Variants in MIER3 observed in about 807,000 individuals in gnomAD.
The protein encoded by MIER3 is mesoderm induction early response protein 3.
In MIER3, 9 loss-of-function variants were observed where a neutral mutation model predicts 63.2. The ratio of observed to expected loss-of-function variants is 0.14; its 90% CI spans 0.09 to 0.25. The LOEUF (loss-of-function observed/expected upper bound fraction) is 0.25, where lower values mean the gene tolerates loss of function less well. Ranked by LOEUF, MIER3 falls within the 10% of genes least tolerant of loss-of-function variation. The pLI is 1.00. For synonymous variants in MIER3, 205 were observed against 224.9 expected (o/e 0.91, Z 0.79); for missense variants, 512 against 666.2 (o/e 0.77, Z 2.55).
At chr5:56,950,373 T>C (rs1750976760) in intron 2 of MIER3, among the ~76,000 whole-genome samples, 1 of 152,124 alleles carries the variant, frequency 6.6e-6, no homozygotes, top group African/African-American at 2.4e-5. Flanking sequence ...AGATATGTAA[T>C]AATTAAAGCC....
chr5:56,925,237 C>A, intron 10 of MIER3: 1 of 357,440 alleles, frequency 2.8e-6, no homozygotes, highest in South Asian at 2.2e-5. Flanking sequence ...TTTTCAACAT[C>A]AATACTGGAA....
chr5:56,930,167 G>A (rs1442308873), intron 9 of MIER3, among the ~76,000 whole-genome samples: 1 of 151,822 alleles, frequency 6.6e-6, no homozygotes, highest in Non-Finnish European at 1.5e-5. Context: ...AAAAAATACT[G>A]AAATAGAAGT....
rs754863050 is a variant in MIER3, at chr5:56,928,856, T to C, written c.835A>G (p.Met279Val). 12 of 1,609,478 alleles carry C rather than the reference T, an allele frequency of 7.5e-6. No homozygotes were observed. The Admixed American group carries it at 1.9e-4, about 25-fold the overall frequency. The part of the protein sequence containing the change: ...CCNGKASQEG[M>V]TAWTEEECRS... ...CATTCTTCTTCCGTCCATGCAGTCA[T>C]TCCTTCTAAGAAAAATTTTAAAATA... The change falls in exon 10 of 13, where the codon ATG becomes GTG. Residue 279 changes from methionine (M) to valine (V), a missense_variant. By Grantham distance (21) the Met-to-Val change is conservative. Around this residue, in one of 5 missense-constraint regions of MIER3, gnomAD observed 118 missense variants for 133.6 expected, o/e 0.88. Coordinates refer to ENST00000381199, the MANE Select transcript of MIER3 (RefSeq NM_001297599.2).
chr5:56,943,509 A>T (rs1041530229), intron 3 of MIER3, among the ~76,000 whole-genome samples: 3 of 152,176 alleles, frequency 2.0e-5, no homozygotes, highest in African/African-American at 7.2e-5. Flanking sequence ...CCGCTTTTCT[A>T]TAAAGACACA....
chr5:56,934,892 AT>A (rs1476826881), intron 7 of MIER3, among the ~76,000 whole-genome samples: 5 of 152,214 alleles, frequency 3.3e-5, no homozygotes, highest in African/African-American at 9.7e-5. Context: ...TCCCCTCCAT[AT>A]TTTGAAAACC....
intron 1 of MIER3, 117 bp from the exon 2 acceptor site, chr5:56,950,769 C>T: frequency 8.7e-7 from 1 of 1,153,500 alleles, no homozygotes; most frequent in East Asian, 2.5e-5. Context: ...GCCAAAAGTG[C>T]AAGACGTAGC....
chr5:56,929,053 T>C (rs1750155338), intron 9 of MIER3, 192 bp from the exon 10 acceptor site: 1 of 493,560 alleles, frequency 2.0e-6, no homozygotes, highest in East Asian at 3.1e-5. Flanking sequence ...CAGTTAGAAT[T>C]ACCAAAAGCA....
chr5:56,944,210 G>A (rs563042364), intron 3 of MIER3, among the ~76,000 whole-genome samples: 1 of 152,136 alleles, frequency 6.6e-6, no homozygotes, highest in Non-Finnish European at 1.5e-5. Flanking sequence ...GGTGGCTCAC[G>A]CCTGTAATCC....
chr5:56,920,083 G>T lies in MIER3; in HGVS notation c.*3045C>A, dbSNP rs138043046. 6.6e-6 allele frequency: 1 copy of T among 152,632 alleles called. No individual in the cohort carries two copies. Among genetic ancestry groups the T allele is most frequent in the East Asian group, 1.9e-4 (1 of 5,186 alleles). The allele number at this position is 152,632 out of a possible 1,614,324, so 9.5% of individuals were successfully genotyped here. A position where few individuals can be genotyped will look rare whatever the true frequency, so the allele number is the denominator to read the frequency against. ...TGGTTAAATTAAATAGTATCACTAT[G>T]CTCTATTAGATCTGATGTTCTCAAA... is the stretch of plus-strand genomic sequence containing the variant. On this transcript the variant is annotated 3_prime_UTR_variant, in exon 13 of 13. Transcript: ENST00000381199.
At chr5:56,944,081 T>C (rs1271017251) in intron 3 of MIER3, among the ~76,000 whole-genome samples, 2 of 152,174 alleles carry the variant, frequency 1.3e-5, no homozygotes, top group African/African-American at 4.8e-5. Flanking sequence ...TCCTTGATCC[T>C]ATGATGCACT....
At chr5:56,925,516 C>A in intron 10 of MIER3, 7 of 225,488 alleles carry the variant, frequency 3.1e-5, no homozygotes, top group South Asian at 1.0e-4. Flanking sequence ...CATTAGCACC[C>A]CAAAATTAAA....
chr5:56,936,654 G>A (rs1166594307), intron 5 of MIER3, among the ~76,000 whole-genome samples: 1 of 152,016 alleles, frequency 6.6e-6, no homozygotes, highest in African/African-American at 2.4e-5. Context: ...GGGACTACAT[G>A]TGCATGCCAC....
rs189050223 is a variant in MIER3, at chr5:56,932,164, G to A, written c.747+1083C>T. ...AATCCCAGTTACTCGGGAGGCTGAG[G>A]CAGAAGAAGTGCTTGAACCTGGGAG... On this transcript the variant is annotated intron_variant, in intron 8 of 12. Coordinates refer to ENST00000381199, the MANE Select transcript of MIER3 (RefSeq NM_001297599.2). Among the ~76,000 whole-genome samples the A allele has an allele frequency of 3.3e-5, 5 of 152,236 alleles. No individual in the cohort carries two copies. The East Asian group carries it at 9.7e-4, about 29-fold the overall frequency.
intron 10 of MIER3, 174 bp downstream of exon 10, chr5:56,928,593 T>C (rs1750117109): frequency 2.0e-6 from 1 of 496,234 alleles, no homozygotes; most frequent in Non-Finnish European, 3.6e-6. Context: ...CTATCAGCCA[T>C]TCCATAAGCA....
chr5:56,942,953 G>A (rs755463649), intron 3 of MIER3, among the ~76,000 whole-genome samples: 6 of 151,954 alleles, frequency 3.9e-5, no homozygotes, highest in Non-Finnish European at 8.8e-5. Context: ...GACCAGCCTG[G>A]GCATTGCAAG....
chr5:56,937,109 C>T (rs1315241321), intron 5 of MIER3, among the ~76,000 whole-genome samples: 2 of 152,080 alleles, frequency 1.3e-5, no homozygotes, highest in African/African-American at 4.8e-5. Context: ...GAATCTCTCT[C>T]TGTCACCCAG....
intron 4 of MIER3, 42 bp downstream of exon 4, chr5:56,938,841 G>A: frequency 6.3e-7 from 1 of 1,593,460 alleles, no homozygotes; most frequent in South Asian, 1.1e-5. Context: ...AGCAGTCAAT[G>A]GTAACAGACC....
intron 9 of MIER3, 87 bp downstream of exon 9, chr5:56,930,577 G>A (rs1376314066): frequency 2.8e-6 from 3 of 1,062,670 alleles, no homozygotes; most frequent in Admixed American, 1.7e-5. Flanking sequence ...TTACAGGATT[G>A]CTCTGTCCCT....
In MIER3 at chr5:56,952,111, C is replaced by T. The variant is rs749696583; in HGVS notation, c.-9G>A. 10 of 1,292,168 alleles carry T rather than the reference C, an allele frequency of 7.7e-6. No individual in the cohort carries two copies. The highest frequency in any genetic ancestry group is 6.3e-5 in the African/African-American group (4 of 63,520). 80.0% of individuals were successfully genotyped at this position (1,292,168 alleles called of 1,614,324 possible). A position where few individuals can be genotyped will look rare whatever the true frequency, so the allele number is the denominator to read the frequency against. On this transcript the variant is annotated 5_prime_UTR_variant, in exon 1 of 13. Coordinates refer to ENST00000381199, the MANE Select transcript of MIER3 (RefSeq NM_001297599.2). ...CTGCTCACCTCCGCCATATTGGTAC[C>T]TTTAGGGCGAACGAGCAGCGCCGAG...
Sources: allele counts gnomAD v4.1 joint callset (sites outside exome capture counted in the v4.1 genomes callset), GRCh38; gene constraint gnomAD v4.1.1; regional missense constraint gnomAD v4.1.1; transcripts MANE v1.5; gene names NCBI Gene and HGNC (gene_info 2026-07-23, HGNC 2026-07-21).